Variants in HELZ observed in about 807,000 individuals in gnomAD.
The protein encoded by HELZ is ATP-dependent RNA helicase with zinc finger domain.
Under a neutral mutation model 218.2 loss-of-function variants are expected in HELZ, and 23 were observed. The ratio of observed to expected loss-of-function variants is 0.11; its 90% confidence interval spans 0.08 to 0.15. HELZ has a LOEUF of 0.15. Ranked by LOEUF, HELZ falls within the 10% of genes least tolerant of loss-of-function variation. HELZ has a pLI of 1.00. For synonymous variants in HELZ, 814 were observed against 829.4 expected (o/e 0.98, Z 0.32); for missense variants, 1,813 against 2,353.7 (o/e 0.77, Z 4.75).
At chr17:67,120,718 C>A (rs1885800322) in intron 26 of HELZ, 106 bp from the exon 27 acceptor site, 11 of 684,628 alleles carry the variant, frequency 1.6e-5, no homozygotes, top group African/African-American at 5.4e-5. Flanking sequence ...CATACAAACA[C>A]ACACACACAC....
intron 5 of HELZ, among the ~76,000 whole-genome samples, chr17:67,208,641 G>A (rs996393397): frequency 1.3e-5 from 2 of 152,064 alleles, no homozygotes; most frequent in Admixed American, 6.5e-5. Flanking sequence ...TTAAGGCTGG[G>A]TGCAGCGGTT....
chr17:67,179,141 T>TA (rs541273438), intron 12 of HELZ, among the ~76,000 whole-genome samples: 20 of 149,282 alleles, frequency 1.3e-4, no homozygotes, highest in East Asian at 5.9e-4. Flanking sequence ...AATCCATGTT[T>TA]AAAAAAAAAA....
intron 3 of HELZ, among the ~76,000 whole-genome samples, chr17:67,228,154 T>C (rs1001555127): frequency 1.3e-5 from 2 of 152,232 alleles, no homozygotes; most frequent in Non-Finnish European, 2.9e-5. Context: ...TCTCCTTTGA[T>C]AGAAATTACT....
chr17:67,117,723 T>C (rs532177731), intron 27 of HELZ, among the ~76,000 whole-genome samples: 30 of 152,268 alleles, frequency 2.0e-4, no homozygotes, highest in African/African-American at 7.2e-4. Context: ...ATCATTTTTA[T>C]ACTTTTAGTA....
At chr17:67,205,346 T>G (rs2040269137) in intron 5 of HELZ, among the ~76,000 whole-genome samples, 1 of 151,788 alleles carries the variant, frequency 6.6e-6, no homozygotes, top group Non-Finnish European at 1.5e-5. Context: ...AAAATTGCTC[T>G]GAAGAAAAAT....
intron 17 of HELZ, among the ~76,000 whole-genome samples, chr17:67,158,974 A>T: frequency 6.6e-6 from 1 of 152,190 alleles, no homozygotes; most frequent in East Asian, 1.9e-4. Flanking sequence ...TTTCACACCA[A>T]GTACACCACG....
rs368625643 is a variant in HELZ, at chr17:67,217,914, G to T, written c.210+681C>A. On this transcript the variant is annotated intron_variant, in intron 4 of 32. Coordinates refer to ENST00000358691, the MANE Select transcript of HELZ (RefSeq NM_014877.4). The stretch of plus-strand genomic sequence containing the variant: ...AATCTATGGTGGGGTTTTTTTTTTG[G>T]TTTTTGTTTTTTGTTGTTTTTTTTT... Among the ~76,000 whole-genome samples the T allele has an allele frequency of 5.7e-3, 846 of 148,908 alleles. 9 individuals carry two copies. Among genetic ancestry groups the T allele is most frequent in the African/African-American group, 0.02 (810 of 40,218 alleles).
chr17:67,173,829 AAGC>A (rs1048458925), intron 13 of HELZ, among the ~76,000 whole-genome samples: 6 of 152,042 alleles, frequency 3.9e-5, no homozygotes. Context: ...TCACCAACAG[AAGC>A]AGCACCCATC....
At chr17:67,128,551 A>C in intron 24 of HELZ, 100 bp downstream of exon 24, 1 of 1,061,586 alleles carries the variant, frequency 9.4e-7, no homozygotes, top group Non-Finnish European at 1.4e-6. Context: ...TGTAACCTTC[A>C]ATTCCAACAC....
chr17:67,208,248 C>CA (rs994059139), intron 5 of HELZ, among the ~76,000 whole-genome samples: 3 of 151,190 alleles, frequency 2.0e-5, no homozygotes, highest in Non-Finnish European at 4.4e-5. Flanking sequence ...AGAAGTTTTT[C>CA]AAAAAAAATT....
At chr17:67,106,657 G>C (rs1453021231) in intron 31 of HELZ, among the ~76,000 whole-genome samples, 2 of 152,164 alleles carry the variant, frequency 1.3e-5, no homozygotes, top group African/African-American at 2.4e-5. Context: ...AAAATGCTTA[G>C]TTTAGCACAG....
intron 23 of HELZ, among the ~76,000 whole-genome samples, chr17:67,133,992 G>A (rs563180222): frequency 6.6e-6 from 1 of 152,242 alleles, no homozygotes; most frequent in South Asian, 2.1e-4. Flanking sequence ...TACTTACAAT[G>A]ACTAGTAAAG....
chr17:67,197,233 T>C (rs901454314), intron 7 of HELZ, among the ~76,000 whole-genome samples: 1 of 152,184 alleles, frequency 6.6e-6, no homozygotes, highest in Non-Finnish European at 1.5e-5. Flanking sequence ...GAAACCCCTT[T>C]CACTTGACTC....
At chr17:67,156,831 TACTC>T (rs1224823496) in intron 17 of HELZ, among the ~76,000 whole-genome samples, 2 of 152,204 alleles carry the variant, frequency 1.3e-5, no homozygotes, top group East Asian at 3.8e-4. Context: ...TTTTTCAAAT[TACTC>T]ATTTATATAG....
chr17:67,188,390 G>T lies in HELZ; in HGVS notation c.1091C>A (p.Thr364Asn). The change falls in exon 12 of 33, where the codon ACC becomes AAC. Residue 364 changes from threonine to asparagine, a missense_variant. Thr to Asn is a moderately conservative substitution (Grantham distance 65). This residue lies in a region of HELZ where 714 missense variants were observed against 1,029.2 expected (regional missense o/e 0.69). Transcript: ENST00000358691. The surrounding 1 kb of genome is among the most constrained non-coding windows in gnomAD (Gnocchi z 4.1). ...TTCCAATCCAAAGTCGAAAACTATG[G>T]TTTGGCGAAAAGTTCCAAATATTTC... ...NTEIFGTFRQ[T>N]IVFDFGLEPV... 1 of 1,613,886 alleles carries T rather than the reference G, an allele frequency of 6.2e-7. No homozygotes were observed. Among genetic ancestry groups the T allele is most frequent in the Non-Finnish European group, 8.5e-7 (1 of 1,179,846 alleles).
chr17:67,122,795 T>A (rs1323587147), intron 26 of HELZ, among the ~76,000 whole-genome samples, 175 bp downstream of exon 26: 1 of 152,200 alleles, frequency 6.6e-6, no homozygotes, highest in Admixed American at 6.5e-5. Context: ...TAACAAATTG[T>A]AAGCAACAAT....
intron 6 of HELZ, among the ~76,000 whole-genome samples, chr17:67,201,844 C>T (rs2040177452): frequency 6.6e-6 from 1 of 152,088 alleles, no homozygotes; most frequent in African/African-American, 2.4e-5. Context: ...TATAATTTTT[C>T]TATGCTAATA....
chr17:67,188,108 G>A lies in HELZ; in HGVS notation c.1162+211C>T, dbSNP rs907960032. 8.1e-6 allele frequency: 4 copies of A among 493,884 alleles called. No homozygotes were observed. 30.6% of individuals were successfully genotyped at this position (493,884 alleles called of 1,614,324 possible). On this transcript the variant is annotated intron_variant, in intron 12 of 32. Coordinates refer to ENST00000358691, the MANE Select transcript of HELZ (RefSeq NM_014877.4). The surrounding 1 kb of genome is among the most constrained non-coding windows in gnomAD (Gnocchi z 4.1). Reference sequence around the variant, plus strand: ...TCATACAAGTTTGGGGAACCTCAAAGTTCAAGCTTTACCTGGTGGCTCTGT... The same window carrying A: ...TCATACAAGTTTGGGGAACCTCAAAATTCAAGCTTTACCTGGTGGCTCTGT...
intron 28 of HELZ, among the ~76,000 whole-genome samples, chr17:67,112,055 T>C (rs2037296673): frequency 6.6e-6 from 1 of 152,164 alleles, no homozygotes; most frequent in Admixed American, 6.5e-5. Flanking sequence ...TATTCTACAA[T>C]ACTACAATTG....
Sources: gnomAD v4.1 joint callset for allele counts (sites outside exome capture counted in the v4.1 genomes callset) on GRCh38, gnomAD v4.1.1 for gene constraint, gnomAD v4.1.1 regional missense constraint, Gnocchi (gnomAD v3.1) non-coding constraint, MANE v1.5 for transcripts, NCBI Gene and HGNC (gene_info 2026-07-23, HGNC 2026-07-21) for gene names.